The following NTRK2 variants were observed in gnomAD, a reference collection of about 807,000 sequenced individuals.
NTRK2 encodes the protein neurotrophic receptor tyrosine kinase 2, also known as BDNF/NT-3 growth factors receptor.
In NTRK2, 13 loss-of-function variants were observed where a neutral mutation model predicts 94.5. The observed-to-expected ratio is 0.14, with a 90% CI of 0.09 to 0.22. NTRK2 has a LOEUF of 0.22. Ranked by LOEUF, NTRK2 falls within the 10% of genes least tolerant of loss-of-function variation. The probability of loss-of-function intolerance (pLI) is 1.00; values close to 1 mark genes in which losing one functional copy is unlikely to be tolerated. For missense variants in NTRK2, 639 were observed against 1,071.2 expected, an observed-to-expected ratio of 0.60 and a Z score of 5.63; for synonymous variants, 372 against 407.4, an observed-to-expected ratio of 0.91 and a Z score of 1.05.
At chr9:85,011,087 T>C (rs1831519787) in intron 17 of NTRK2, among the ~76,000 whole-genome samples, 2 of 152,076 alleles carry the variant, frequency 1.3e-5, no homozygotes, top group Admixed American at 6.5e-5. Flanking sequence ...GGGAAGAGAT[T>C]GCTCTAAGGT....
At chr9:84,827,636 C>G (rs1411198951) in intron 12 of NTRK2, among the ~76,000 whole-genome samples, 2 of 152,190 alleles carry the variant, frequency 1.3e-5, no homozygotes, top group Non-Finnish European at 2.9e-5. Flanking sequence ...CAATCTGTAA[C>G]CCTTGGGGTG....
Position 84,769,584 on chromosome 9 carries a change from T to C in NTRK2, c.1396+17499T>C, listed in dbSNP as rs142231018. On this transcript the variant is annotated intron_variant, in intron 12 of 18. Transcript: ENST00000277120. ...TCCCAGAAATCTCAGAGTGGTGTTG[T>C]TGGTTAAATGAATATGCACATATGA... Among the ~76,000 whole-genome samples the C allele has an allele frequency of 3.9e-5, 6 of 152,186 alleles. No homozygotes were observed. The East Asian group carries it at 1.2e-3, about 29-fold the overall frequency.
intron 14 of NTRK2, among the ~76,000 whole-genome samples, chr9:84,921,019 G>A (rs2077548731): frequency 6.6e-6 from 1 of 152,128 alleles, no homozygotes; most frequent in African/African-American, 2.4e-5. Context: ...TAACATATAA[G>A]AACAGAATTT....
rs532293718 is a variant in NTRK2, at chr9:84,696,024, T to G, written c.213-6135T>G. On this transcript the variant is annotated intron_variant, in intron 2 of 18. Transcript: ENST00000277120. ...CTGCTGAGGGCAATTATTATTATTA[T>G]TTTAGACAAGATCTTGCTCTGTCAC... is the stretch of plus-strand genomic sequence containing the variant. Among the ~76,000 whole-genome samples, 7 of 152,190 alleles carry G rather than the reference T, an allele frequency of 4.6e-5. No individual in the cohort carries two copies. The South Asian group carries it at 1.0e-3, about 23-fold the overall frequency.
chr9:84,788,910 T>A (rs1372622000), intron 12 of NTRK2, among the ~76,000 whole-genome samples: 1 of 152,178 alleles, frequency 6.6e-6, no homozygotes, highest in Non-Finnish European at 1.5e-5. Context: ...TAGGAAGTCA[T>A]TAGCCTAGAG....
intron 12 of NTRK2, among the ~76,000 whole-genome samples, chr9:84,859,166 CG>C (rs1286133411): frequency 8.5e-5 from 13 of 152,196 alleles, no homozygotes; most frequent in Non-Finnish European, 1.9e-4. Context: ...TTGGGAGAAG[CG>C]GGGTGTGAAT....
At chr9:84,700,864 T>C (rs1320826544) in intron 2 of NTRK2, among the ~76,000 whole-genome samples, 2 of 152,244 alleles carry the variant, frequency 1.3e-5, no homozygotes, top group African/African-American at 4.8e-5. Context: ...TAATTTCTTG[T>C]AATGCCTTTG....
chr9:84,793,397 G>T (rs1038795123), intron 12 of NTRK2, among the ~76,000 whole-genome samples: 1 of 152,076 alleles, frequency 6.6e-6, no homozygotes, highest in African/African-American at 2.4e-5. Flanking sequence ...AACCTAAATT[G>T]CAGAATGTGA....
intron 17 of NTRK2, among the ~76,000 whole-genome samples, chr9:84,956,820 C>A (rs2132996509): frequency 6.7e-6 from 1 of 149,070 alleles, no homozygotes; most frequent in South Asian, 2.2e-4. Flanking sequence ...TTGTCGTGCT[C>A]CATTATTCTT....
chr9:84,873,346 C>T (rs2075941351), intron 14 of NTRK2: 3 of 1,058,388 alleles, frequency 2.8e-6, no homozygotes, highest in Middle Eastern at 4.2e-4. Flanking sequence ...CTGCCCAGCA[C>T]GAGCATTAGG....
rs768023596 is a variant in NTRK2, at chr9:84,934,122, A to T, written c.1634-40A>T. On this transcript the variant is annotated intron_variant, in intron 14 of 18. Transcript: ENST00000277120. ...CTTCACCCGCTGCCTTCACCTCCAC[A>T]TGCTTCAATTCCAATTTCCATTCTG... 2.5e-6 allele frequency: 4 copies of T among 1,612,600 alleles called. No individual in the cohort carries two copies. In the Admixed American group the frequency reaches 5.0e-5, roughly 20 times the overall value.
chr9:84,838,278 T>C (rs2073986909), intron 12 of NTRK2, among the ~76,000 whole-genome samples: 1 of 152,120 alleles, frequency 6.6e-6, no homozygotes. Flanking sequence ...GTGGACAAGA[T>C]TGTTAGTCTC....
chr9:84,762,024 T>G (rs1353967603), intron 12 of NTRK2, among the ~76,000 whole-genome samples: 3 of 146,550 alleles, frequency 2.0e-5, no homozygotes, highest in East Asian at 2.0e-4. Flanking sequence ...CGATCTGAGG[T>G]TTTTTTTTTA....
At chr9:84,709,496 C>T (rs1778933) in intron 5 of NTRK2, among the ~76,000 whole-genome samples, 111,754 of 151,920 alleles carry the variant, frequency 0.74, 41,497 homozygotes, top group East Asian at 0.94. Flanking sequence ...TACTTGGAGG[C>T]GATCAAGCAG....
chr9:84,754,791 CTT>C (rs937839542), intron 12 of NTRK2, among the ~76,000 whole-genome samples: 4 of 152,172 alleles, frequency 2.6e-5, no homozygotes, highest in African/African-American at 9.7e-5. Flanking sequence ...TCCTTATTCT[CTT>C]TTGCTGGAGG....
At chr9:84,680,656 A>G (rs1187349) in intron 2 of NTRK2, among the ~76,000 whole-genome samples, 86,919 of 151,956 alleles carry the variant, frequency 0.57, 24,968 homozygotes, top group Admixed American at 0.63. Context: ...GTTTTTCTTT[A>G]GTGTGATTCC....
intron 12 of NTRK2, among the ~76,000 whole-genome samples, chr9:84,826,403 C>T (rs111759414): frequency 3.3e-4 from 50 of 152,278 alleles, no homozygotes; most frequent in African/African-American, 1.1e-3. Context: ...ACCCTAAATC[C>T]ACGATAATCT....
chr9:84,746,004 T>C (rs574389141), intron 11 of NTRK2, among the ~76,000 whole-genome samples: 14 of 152,222 alleles, frequency 9.2e-5, no homozygotes, highest in African/African-American at 2.9e-4. Flanking sequence ...GAGCTTCCTG[T>C]GAGCTCTGCC....
intron 14 of NTRK2, among the ~76,000 whole-genome samples, chr9:84,871,102 C>G (rs1401446260): frequency 6.6e-6 from 1 of 152,144 alleles, no homozygotes; most frequent in African/African-American, 2.4e-5. Flanking sequence ...CTCAAGGAGT[C>G]TCACTGGCAA....
Sources: allele counts gnomAD v4.1 joint callset (sites outside exome capture counted in the v4.1 genomes callset), GRCh38; gene constraint gnomAD v4.1.1; transcripts MANE v1.5; gene names NCBI Gene and HGNC (gene_info 2026-07-23, HGNC 2026-07-21).